Variants in SYT14 observed in about 807,000 individuals in gnomAD.
SYT14 encodes synaptotagmin-14.
SYT14 carries 32 observed loss-of-function variants against 74.2 expected under a neutral mutation model. The ratio of observed to expected loss-of-function variants is 0.43; its 90% confidence interval spans 0.33 to 0.58. The LOEUF (loss-of-function observed/expected upper bound fraction) is 0.58. Among genes scored for constraint, SYT14 ranks in the 20% least tolerant of loss-of-function variants. SYT14 has a pLI of 0.05. For missense variants in SYT14, 791 were observed against 981.8 expected (o/e 0.81, Z 2.60); for synonymous variants, 298 against 337.7 (o/e 0.88, Z 1.29).
At chr1:210,069,747 C>T (rs945304805) in intron 5 of SYT14, among the ~76,000 whole-genome samples, 6 of 151,740 alleles carry the variant, frequency 4.0e-5, no homozygotes, top group South Asian at 4.2e-4. Context: ...CTTATTTGAA[C>T]GTGTTTTTGC....
chr1:210,032,560 C>G (rs1324784547), intron 5 of SYT14, among the ~76,000 whole-genome samples: 2 of 151,612 alleles, frequency 1.3e-5, no homozygotes, highest in Non-Finnish European at 2.9e-5. Context: ...GAGTATTAAA[C>G]CATGTGAAAT....
intron 5 of SYT14, among the ~76,000 whole-genome samples, chr1:210,068,153 G>A (rs1247800683): frequency 6.6e-6 from 1 of 151,750 alleles, no homozygotes; most frequent in African/African-American, 2.4e-5. Flanking sequence ...ATTAATTGAT[G>A]TTTAATTTTA....
At chr1:209,997,018 G>A (rs1358890534) in intron 2 of SYT14, among the ~76,000 whole-genome samples, 1 of 151,988 alleles carries the variant, frequency 6.6e-6, no homozygotes, top group Non-Finnish European at 1.5e-5. Flanking sequence ...TACTGAGTGG[G>A]CAAAAGCTAG....
At chr1:210,124,556 C>T in intron 7 of SYT14, among the ~76,000 whole-genome samples, 1 of 152,070 alleles carries the variant, frequency 6.6e-6, no homozygotes. Flanking sequence ...GGAAAGACCC[C>T]CTGATGACAT....
At chr1:210,014,872 A>G (rs1178760777) in intron 3 of SYT14, among the ~76,000 whole-genome samples, 1 of 152,042 alleles carries the variant, frequency 6.6e-6, no homozygotes, top group Non-Finnish European at 1.5e-5. Context: ...GTTTAATGAC[A>G]ACTTTGTACT....
intron 7 of SYT14, among the ~76,000 whole-genome samples, chr1:210,146,435 T>C (rs972027549): frequency 6.9e-6 from 1 of 145,720 alleles, no homozygotes; most frequent in African/African-American, 2.4e-5. Flanking sequence ...TGAATATGAA[T>C]GTTTCTAAAA....
intron 8 of SYT14, among the ~76,000 whole-genome samples, chr1:210,156,708 T>G (rs931719027): frequency 3.4e-5 from 5 of 146,128 alleles, no homozygotes; most frequent in Admixed American, 6.8e-5. Flanking sequence ...TTTTTTTTTT[T>G]TTTGGAGACA....
intron 5 of SYT14, among the ~76,000 whole-genome samples, chr1:210,031,071 G>A (rs946142218): frequency 9.4e-5 from 14 of 149,408 alleles, no homozygotes; most frequent in Non-Finnish European, 5.9e-5. Flanking sequence ...GACTACAGGC[G>A]TGCACCACCA....
chr1:210,100,910 G>A (rs558543289), intron 7 of SYT14, among the ~76,000 whole-genome samples: 2 of 152,052 alleles, frequency 1.3e-5, no homozygotes, highest in African/African-American at 2.4e-5. Flanking sequence ...CCTAGGTCCC[G>A]ACTGGATATG....
intron 2 of SYT14, among the ~76,000 whole-genome samples, chr1:210,006,563 G>T (rs2079991489): frequency 6.6e-6 from 1 of 151,850 alleles, no homozygotes; most frequent in Non-Finnish European, 1.5e-5. Flanking sequence ...TCTATTAAAT[G>T]AATTATTAAA....
chr1:210,022,564 C>T (rs35081804), intron 5 of SYT14, among the ~76,000 whole-genome samples: 3,630 of 152,242 alleles, frequency 0.024, 63 homozygotes, highest in Middle Eastern at 0.037. Flanking sequence ...ACATTCTGGC[C>T]ATATCTCTTA....
At chr1:210,162,515 T>A in exon 10 of SYT14, 1 of 339,682 alleles carries the variant, frequency 2.9e-6, no homozygotes, top group Non-Finnish European at 5.6e-6. Flanking sequence ...TTTATCAGAG[T>A]ATGTTTTATA....
chr1:209,992,543 G>C (rs1333278127), intron 2 of SYT14, among the ~76,000 whole-genome samples: 2 of 152,134 alleles, frequency 1.3e-5, no homozygotes, highest in Non-Finnish European at 2.9e-5. Flanking sequence ...ATGGAAGTGT[G>C]AGAGAAGGAT....
At chr1:210,084,394 A>G (rs2081677959) in intron 5 of SYT14, among the ~76,000 whole-genome samples, 1 of 152,220 alleles carries the variant, frequency 6.6e-6, no homozygotes, top group Non-Finnish European at 1.5e-5. Context: ...ATCCTTGGGA[A>G]CATTATTGAC....
At chr1:210,030,851 A>G (rs1316488451) in intron 5 of SYT14, among the ~76,000 whole-genome samples, 1 of 152,170 alleles carries the variant, frequency 6.6e-6, no homozygotes, top group Non-Finnish European at 1.5e-5. Flanking sequence ...TTTAGGAACC[A>G]GACATGGTGA....
chr1:209,987,624 A>G (rs957607065), intron 2 of SYT14, among the ~76,000 whole-genome samples: 2 of 152,378 alleles, frequency 1.3e-5, no homozygotes, highest in South Asian at 4.1e-4. Context: ...TTACATTTCA[A>G]TATGAGATTT....
intron 2 of SYT14, among the ~76,000 whole-genome samples, chr1:210,005,065 T>A (rs1194526007): frequency 1.3e-5 from 2 of 152,008 alleles, no homozygotes; most frequent in Admixed American, 6.6e-5. Flanking sequence ...GAAAACATGA[T>A]ATGCTGGTAA....
chr1:209,949,046 T>G (rs758996186), intron 1 of SYT14, among the ~76,000 whole-genome samples: 1 of 152,232 alleles, frequency 6.6e-6, no homozygotes, highest in Non-Finnish European at 1.5e-5. Context: ...ATGTCTGCAG[T>G]GTTTTTCTTG....
chr1:209,961,794 G>T lies in SYT14; in HGVS notation c.-486+9038G>T, dbSNP rs189585403. 3.0e-4 allele frequency among the ~76,000 whole-genome samples: 46 copies of T among 152,092 alleles called. No homozygotes were observed. In the East Asian group the frequency reaches 8.5e-3, roughly 28 times the overall value. On this transcript the variant is annotated intron_variant, in intron 2 of 9. Coordinates refer to ENST00000637265, the Ensembl canonical transcript of SYT14. Reference sequence around the variant, plus strand: ...TTTTCTATTGTTTATTCTTTCAGTGGTTTGACACTCAGGACTTTGAATGTA... The same window carrying T: ...TTTTCTATTGTTTATTCTTTCAGTGTTTTGACACTCAGGACTTTGAATGTA...
Sources: gnomAD v4.1 joint callset for allele counts (sites outside exome capture counted in the v4.1 genomes callset) on GRCh38, gnomAD v4.1.1 for gene constraint, MANE v1.5 for transcripts, NCBI Gene and HGNC (gene_info 2026-07-23, HGNC 2026-07-21) for gene names.